Variants in CD96 observed in about 807,000 individuals in gnomAD.
The protein encoded by CD96 is T-cell surface protein tactile.
In CD96, 70 loss-of-function variants were observed where a neutral mutation model predicts 71.3. That is an observed-to-expected ratio of 0.98 (90% CI 0.81 to 1.20). The LOEUF is 1.20. Ranked by LOEUF, CD96 falls within the 50% of genes most tolerant of loss-of-function variation. CD96 has a pLI of 0.00. For synonymous variants in CD96, 248 were observed against 233.0 expected (o/e 1.06, Z -0.59); for missense variants, 742 against 677.5 (o/e 1.10, Z -1.06).
rs550418121 is a variant in CD96, at chr3:111,602,020, T to C, written c.1087+1106T>C. Among the ~76,000 whole-genome samples the C allele has an allele frequency of 2.6e-5, 4 of 152,298 alleles. No homozygotes were observed. In the South Asian group the frequency reaches 8.3e-4, roughly 32 times the overall value. ...CATCCTGTGTACTTTGAGTTAATCA[T>C]TCAGAAATTGTGATGTATTTACACT... On this transcript the variant is annotated intron_variant, in intron 7 of 13. Transcript: ENST00000352690.
intron 3 of CD96, chr3:111,571,201 T>TTTTGGTG: frequency 2.4e-6 from 1 of 424,574 alleles, no homozygotes; most frequent in African/African-American, 3.5e-5. Flanking sequence ...TTTTGTTTTG[T>TTTTGGTG]TTTGGTTTTT....
chr3:111,629,577 A>T (rs1022038809), intron 10 of CD96, among the ~76,000 whole-genome samples: 1 of 152,332 alleles, frequency 6.6e-6, no homozygotes, highest in East Asian at 1.9e-4. Flanking sequence ...GGAGACTTTA[A>T]CACCCCAGTG....
rs761256309 is a variant in CD96 at position 111,542,271 on chromosome 3, G to A, written c.23G>A (p.Cys8Tyr). The A allele has an allele frequency of 8.7e-6, 14 of 1,613,844 alleles. No individual in the cohort carries two copies. Among genetic ancestry groups the A allele is most frequent in the Non-Finnish European group, 1.1e-5 (13 of 1,179,730 alleles). ...ACAATGGAGAAAAAATGGAAATACT[G>A]TGCTGTCTATTACATCATCCAGATA... MEKKWKY[C>Y]AVYYIIQIHF... Residue 8 changes from cysteine to tyrosine, a missense_variant, in exon 1 of 14, where the codon TGT (cysteine) becomes TAT (tyrosine). By Grantham distance (194) the Cys-to-Tyr change is radical. Transcript: ENST00000352690.
intron 8 of CD96, among the ~76,000 whole-genome samples, chr3:111,607,691 G>A (rs13086157): frequency 0.45 from 68,818 of 152,086 alleles, 18,741 homozygotes; most frequent in Non-Finnish European, 0.6. Context: ...GGTAACCTTT[G>A]GCATGTAGCC....
chr3:111,607,605 C>T (rs1276957433), intron 8 of CD96, among the ~76,000 whole-genome samples: 1 of 152,286 alleles, frequency 6.6e-6, no homozygotes, highest in Non-Finnish European at 1.5e-5. Flanking sequence ...TTAAAACTAT[C>T]AATTTTAGCT....
chr3:111,571,708 G>A (rs1935993762), intron 3 of CD96, among the ~76,000 whole-genome samples: 1 of 152,194 alleles, frequency 6.6e-6, no homozygotes, highest in Non-Finnish European at 1.5e-5. Flanking sequence ...GTTGGCAAAT[G>A]TGCTGATTAA....
chr3:111,623,783 G>T lies in CD96; in HGVS notation c.1210G>T (p.Val404Leu), dbSNP rs1413407244. The T allele has an allele frequency of 2.5e-6, 4 of 1,612,142 alleles. No homozygotes were observed. The highest frequency in any genetic ancestry group is 3.4e-6 in the Non-Finnish European group (4 of 1,178,242). Residue 404 changes from valine (V) to leucine (L), a missense_variant, in exon 9 of 14, where the codon GTA (valine) becomes TTA (leucine). Physicochemically the swap from Val to Leu is conservative, Grantham distance 32. Coordinates refer to ENST00000352690, the MANE Select transcript of CD96 (RefSeq NM_005816.5). ...RYPATSSVTL[V>L]DVSALRPNTT... ...TCCAGCTACATCTTCAGTGACCCTTGTAGATGTGAGTGCCTTGAGGCCAAA... is the reference window on the plus strand; with the variant it reads ...TCCAGCTACATCTTCAGTGACCCTTTTAGATGTGAGTGCCTTGAGGCCAAA...
intron 4 of CD96, among the ~76,000 whole-genome samples, chr3:111,583,130 G>A (rs1936545561): frequency 6.6e-6 from 1 of 152,188 alleles, no homozygotes; most frequent in Non-Finnish European, 1.5e-5. Flanking sequence ...CATTCTAAAT[G>A]GGAGAAATTG....
intron 8 of CD96, among the ~76,000 whole-genome samples, chr3:111,619,419 T>C (rs991857317): frequency 6.6e-6 from 1 of 152,200 alleles, no homozygotes; most frequent in Non-Finnish European, 1.5e-5. Flanking sequence ...TTCATCTTAT[T>C]TCCTGGAGAC....
Position 111,649,983 on chromosome 3 carries a change from A to C in CD96, c.*177A>C, listed in dbSNP as rs1336466573. The C allele has an allele frequency of 1.9e-5, 12 of 645,940 alleles. No homozygotes were observed. Among genetic ancestry groups the C allele is most frequent in the South Asian group, 1.2e-4 (7 of 60,232 alleles). 40.0% of individuals were successfully genotyped at this position (645,940 alleles called of 1,614,324 possible). A position where few individuals can be genotyped will look rare whatever the true frequency, so the allele number is the denominator to read the frequency against. On this transcript the variant is annotated 3_prime_UTR_variant, in exon 14 of 14. Transcript: ENST00000352690. ...ACCCTCTTCCATCTCCAAACGCCTG[A>C]AGCTTAACCAAGAGTGAGAGGATAT... is the stretch of plus-strand genomic sequence containing the variant.
Position 111,610,439 on chromosome 3 carries a change from G to A in CD96, c.1180+3647G>A, listed in dbSNP as rs963419627. Among the ~76,000 whole-genome samples, 5 of 152,186 alleles carry A rather than the reference G, an allele frequency of 3.3e-5. No homozygotes were observed. In the East Asian group the frequency reaches 9.6e-4, roughly 29 times the overall value. The stretch of plus-strand genomic sequence containing the variant: ...CATTCCGAATTCTAAGATGTAATGA[G>A]CTTTATAATCCAGTCATCATTACGA... On this transcript the variant is annotated intron_variant, in intron 8 of 13. Transcript: ENST00000352690.
At chr3:111,660,634 G>A (rs1940332480) in intron 14 of CD96, among the ~76,000 whole-genome samples, 2 of 152,224 alleles carry the variant, frequency 1.3e-5, no homozygotes, top group Admixed American at 6.5e-5. Flanking sequence ...TAAAGCTACA[G>A]TAACCAAAGC....
intron 2 of CD96, among the ~76,000 whole-genome samples, chr3:111,552,931 A>G (rs1244730345): frequency 6.6e-6 from 1 of 152,156 alleles, no homozygotes; most frequent in African/African-American, 2.4e-5. Flanking sequence ...AATTTCCCAC[A>G]TACTGAACAT....
downstream of CD96, among the ~76,000 whole-genome samples, chr3:111,657,210 G>A (rs1375339552): frequency 6.6e-6 from 1 of 152,050 alleles, no homozygotes; most frequent in Non-Finnish European, 1.5e-5. Flanking sequence ...ACGAAGTCAG[G>A]AGTTTGAGAC....
chr3:111,593,784 C>T, intron 5 of CD96: 2 of 1,614,242 alleles, frequency 1.2e-6, no homozygotes, highest in South Asian at 1.1e-5. Flanking sequence ...AGGAGCCTAC[C>T]CCAGTTACCC....
intron 5 of CD96, chr3:111,595,007 C>T (rs938213): frequency 0.88 from 146,837 of 167,012 alleles, 65,249 homozygotes; most frequent in East Asian, 0.95. Flanking sequence ...ACAAACACAG[C>T]GTTGCCTGGC....
rs773759995 is a variant in CD96 at position 111,567,641 on chromosome 3, G to A, written c.537G>A (p.Trp179Ter). ...TTTCATCTGAGTTCACCTATGCATG[G>A]TCGGTGGTAAGTGTTGCCCTTTTCA... The part of the protein sequence containing the change: ...SKISSEFTYA[W>*]SVEDNGTQET... The change falls in exon 3 of 14, where the codon TGG (tryptophan) becomes TGA (stop). Residue 179 changes from tryptophan (W) to a stop codon, truncating the protein, a stop_gained. Coordinates refer to ENST00000352690, the MANE Select transcript of CD96 (RefSeq NM_005816.5). LOFTEE classifies it high-confidence loss of function. The A allele has an allele frequency of 1.9e-6, 3 of 1,613,220 alleles. No individual in the cohort carries two copies. Among genetic ancestry groups the A allele is most frequent in the Non-Finnish European group, 2.5e-6 (3 of 1,179,332 alleles).
At chr3:111,625,108 C>G (rs987776070) in intron 10 of CD96, among the ~76,000 whole-genome samples, 2 of 152,172 alleles carry the variant, frequency 1.3e-5, no homozygotes, top group Non-Finnish European at 2.9e-5. Flanking sequence ...GTGTATGTCC[C>G]TTTGGAAAGC....
At chr3:111,552,331 T>G (rs998922255) in intron 2 of CD96, among the ~76,000 whole-genome samples, 2 of 152,048 alleles carry the variant, frequency 1.3e-5, no homozygotes, top group African/African-American at 4.8e-5. Flanking sequence ...GGAGCAGCAT[T>G]CCTCCCTCCG....
Sources: gnomAD v4.1 joint callset for allele counts (sites outside exome capture counted in the v4.1 genomes callset) on GRCh38, gnomAD v4.1.1 for gene constraint, MANE v1.5 for transcripts, NCBI Gene and HGNC (gene_info 2026-07-23, HGNC 2026-07-21) for gene names.